The following NCKAP5 variants were observed in gnomAD, a reference collection of about 807,000 sequenced individuals.
NCKAP5 encodes the protein NCK associated protein 5, also known as nck-associated protein 5.
NCKAP5 carries 92 observed loss-of-function variants against 167.0 expected under a neutral mutation model. The ratio of observed to expected loss-of-function variants is 0.55; its 90% CI spans 0.47 to 0.66. NCKAP5 has a LOEUF of 0.66. Ranked by LOEUF, NCKAP5 falls within the 30% of genes least tolerant of loss-of-function variation. NCKAP5 has a pLI of 0.00. For missense variants in NCKAP5, 2,378 were observed against 2,315.0 expected (o/e 1.03, Z -0.56); for synonymous variants, 891 against 877.4 (o/e 1.02, Z -0.27).
intron 15 of NCKAP5, among the ~76,000 whole-genome samples, chr2:132,777,963 C>T (rs2104991258): frequency 6.6e-6 from 1 of 151,988 alleles, no homozygotes; most frequent in South Asian, 2.1e-4. Context: ...GGTATATGAT[C>T]TCATTAATTT....
chr2:132,930,087 T>C (rs186249240), intron 8 of NCKAP5: 4 of 152,204 alleles, frequency 2.6e-5, no homozygotes, highest in Non-Finnish European at 5.9e-5. Context: ...ACCTCCACAA[T>C]TGTATAAGCC....
chr2:133,636,884 GA>G, the NCKAP5 span, among the ~76,000 whole-genome samples: 1 of 151,600 alleles, frequency 6.6e-6, no homozygotes, highest in Non-Finnish European at 1.5e-5. Context: ...TAGTAGGTTA[GA>G]AAAAAAATTT....
chr2:133,133,119 T>C lies in NCKAP5; in HGVS notation c.208-3008A>G, dbSNP rs924615871. 2.6e-5 allele frequency among the ~76,000 whole-genome samples: 4 copies of C among 152,222 alleles called. No homozygotes were observed. In the East Asian group the frequency reaches 7.7e-4, roughly 29 times the overall value. On this transcript the variant is annotated intron_variant, in intron 5 of 19. Coordinates refer to ENST00000409261, the MANE Select transcript of NCKAP5 (RefSeq NM_207363.3). ...TAATTTGTCTCCCAAATGTTGGCTC[T>C]GGATCTTTCCCAGCAGAAAGTGTGA...
chr2:132,809,814 C>A (rs1287955074), intron 11 of NCKAP5, among the ~76,000 whole-genome samples: 1 of 152,024 alleles, frequency 6.6e-6, no homozygotes, highest in East Asian at 1.9e-4. Context: ...CTCGTTGTTG[C>A]CTGTGTACTT....
chr2:132,818,091 G>A (rs1686420176), intron 11 of NCKAP5, among the ~76,000 whole-genome samples: 1 of 152,160 alleles, frequency 6.6e-6, no homozygotes, highest in Admixed American at 6.5e-5. Context: ...GGGACTACAG[G>A]CACACGCCAG....
the NCKAP5 span, among the ~76,000 whole-genome samples, chr2:133,619,096 A>T: frequency 2.2e-4 from 29 of 131,952 alleles, no homozygotes; most frequent in Middle Eastern, 7.9e-3. Flanking sequence ...ATAGGTGGGA[A>T]TTGAACAATG....
intron 4 of NCKAP5, among the ~76,000 whole-genome samples, chr2:133,220,684 A>T (rs189899381): frequency 6.6e-5 from 10 of 151,078 alleles, no homozygotes; most frequent in African/African-American, 2.0e-4. Flanking sequence ...TTGCATGTTT[A>T]AAAAAAAAGC....
At chr2:132,854,419 T>G (rs1481597884) in intron 11 of NCKAP5, among the ~76,000 whole-genome samples, 1 of 152,198 alleles carries the variant, frequency 6.6e-6, no homozygotes, top group East Asian at 1.9e-4. Flanking sequence ...GGAGATTGAG[T>G]GGGGCAGGGA....
chr2:133,641,768 T>A, the NCKAP5 span, among the ~76,000 whole-genome samples: 6,613 of 152,278 alleles, frequency 0.043, 460 homozygotes, highest in African/African-American at 0.15. Context: ...CAAGACTTCA[T>A]GTCAGAGCTC....
chr2:133,444,706 T>A (rs1167899150), intron 3 of NCKAP5, among the ~76,000 whole-genome samples: 2 of 152,208 alleles, frequency 1.3e-5, no homozygotes, highest in African/African-American at 2.4e-5. Context: ...ACTCTGATCT[T>A]TGCTTTTCTA....
intron 1 of NCKAP5, among the ~76,000 whole-genome samples, chr2:133,561,265 T>A (rs1050654848): frequency 6.6e-6 from 1 of 152,226 alleles, no homozygotes; most frequent in African/African-American, 2.4e-5. Context: ...GCAATCTGCA[T>A]GAACACCGTC....
intron 16 of NCKAP5, among the ~76,000 whole-genome samples, chr2:132,733,022 C>T (rs1204569214): frequency 6.6e-6 from 1 of 152,188 alleles, no homozygotes; most frequent in Non-Finnish European, 1.5e-5. Context: ...CCAGGGATCC[C>T]ACTATTCTCT....
chr2:133,260,666 G>A (rs911042363), intron 4 of NCKAP5, among the ~76,000 whole-genome samples: 2 of 152,168 alleles, frequency 1.3e-5, no homozygotes, highest in East Asian at 1.9e-4. Context: ...GAATTTGGAC[G>A]CCTGTCCCTC....
intron 8 of NCKAP5, among the ~76,000 whole-genome samples, chr2:132,963,320 T>C (rs2076572467): frequency 6.6e-6 from 1 of 152,072 alleles, no homozygotes; most frequent in South Asian, 2.1e-4. Context: ...AAAATCTCTG[T>C]GTGTGTGTGT....
At position 132,784,264 on chromosome 2, in the gene NCKAP5, C is replaced by A; in HGVS notation, c.2547G>T (p.Lys849Asn). Residue 849 changes from lysine (K) to asparagine (N), a missense_variant, in exon 14 of 20, where the codon AAG becomes AAT. Lys to Asn is a moderately conservative substitution (Grantham distance 94, BLOSUM62 0). This residue lies in a region of NCKAP5 where 1,049 missense variants were observed against 1,023.4 expected (regional missense o/e 1.02). Coordinates refer to ENST00000409261, the MANE Select transcript of NCKAP5 (RefSeq NM_207363.3). ...LAPGKLSRFM[K>N]TESSGPLFEL... Reference sequence around the variant, plus strand: ...CAAAGAGGGGCCCTGAGCTCTCAGTCTTCATGAATCGTGAGAGTTTCCCAG... The same window carrying A: ...CAAAGAGGGGCCCTGAGCTCTCAGTATTCATGAATCGTGAGAGTTTCCCAG... The A allele has an allele frequency of 6.2e-7, 1 of 1,610,836 alleles. No homozygotes were observed. Among genetic ancestry groups the A allele is most frequent in the South Asian group, 1.1e-5 (1 of 90,576 alleles).
At chr2:132,846,920 T>C (rs1363358033) in intron 11 of NCKAP5, among the ~76,000 whole-genome samples, 3 of 151,958 alleles carry the variant, frequency 2.0e-5, no homozygotes, top group South Asian at 4.2e-4. Context: ...CATTTTATTA[T>C]TCCAGAGAAT....
At position 132,952,312 on chromosome 2, in the gene NCKAP5, C is replaced by T. The variant is rs575981026; in HGVS notation, c.579+11408G>A. Among the ~76,000 whole-genome samples the T allele has an allele frequency of 7.4e-4, 112 of 152,242 alleles. 1 individual carries two copies. The highest frequency in any genetic ancestry group is 2.6e-3 in the African/African-American group (108 of 41,548). On this transcript the variant is annotated intron_variant, in intron 8 of 19. Coordinates refer to ENST00000409261, the MANE Select transcript of NCKAP5 (RefSeq NM_207363.3). ...CTGAGATCTGGGGTTTTCTTAGAAG[C>T]TCCCACACAAATCTGAGCCATGCAA...
chr2:133,465,397 C>T (rs577825242), intron 3 of NCKAP5, among the ~76,000 whole-genome samples: 4 of 151,780 alleles, frequency 2.6e-5, no homozygotes, highest in East Asian at 1.9e-4. Flanking sequence ...TTTTCTTAAT[C>T]CAGTCTATCA....
At chr2:133,445,772 A>T (rs1691153689) in intron 3 of NCKAP5, among the ~76,000 whole-genome samples, 1 of 152,192 alleles carries the variant, frequency 6.6e-6, no homozygotes, top group South Asian at 2.1e-4. Context: ...ACAGAGGCAC[A>T]GAGGGGAAGG....
Sources: allele counts gnomAD v4.1 joint callset (sites outside exome capture counted in the v4.1 genomes callset), GRCh38; gene constraint gnomAD v4.1.1; regional missense constraint gnomAD v4.1.1; transcripts MANE v1.5; gene names NCBI Gene and HGNC (gene_info 2026-07-23, HGNC 2026-07-21).